UNC13C: variants seen among roughly 807,000 people sequenced by gnomAD.
UNC13C encodes unc-13 homolog C.
In UNC13C, 174 loss-of-function variants were observed where a neutral mutation model predicts 245.4. That is an observed-to-expected ratio of 0.71 (90% CI 0.63 to 0.80). The LOEUF (loss-of-function observed/expected upper bound fraction) is 0.80, where lower values mean the gene tolerates loss of function less well. UNC13C is among the 30% of genes least tolerant of loss of function. UNC13C has a pLI of 0.00. For missense variants in UNC13C, 2,829 were observed against 2,602.9 expected (o/e 1.09, Z -1.89); for synonymous variants, 992 against 895.1 (o/e 1.11, Z -1.93).
intron 14 of UNC13C, among the ~76,000 whole-genome samples, chr15:54,330,533 G>T (rs1004991900): frequency 1.7e-4 from 26 of 152,042 alleles, no homozygotes; most frequent in African/African-American, 5.8e-4. Context: ...CACTTCAACT[G>T]TCTTGATGGT....
At chr15:54,451,238 C>T (rs1014765926) in intron 19 of UNC13C, among the ~76,000 whole-genome samples, 1 of 152,040 alleles carries the variant, frequency 6.6e-6, no homozygotes, top group Non-Finnish European at 1.5e-5. Flanking sequence ...CAGGGAAAAA[C>T]TTTATTTTGC....
At chr15:54,127,148 G>A (rs866481877) in intron 2 of UNC13C, among the ~76,000 whole-genome samples, 3 of 152,144 alleles carry the variant, frequency 2.0e-5, no homozygotes, top group African/African-American at 7.2e-5. Flanking sequence ...ACAGTGCGGC[G>A]ATTCCTCAGT....
chr15:54,352,344 AT>A (rs2039002633), intron 17 of UNC13C, among the ~76,000 whole-genome samples: 1 of 137,078 alleles, frequency 7.3e-6, no homozygotes, highest in African/African-American at 2.9e-5. Context: ...ATAAATGTAT[AT>A]ATATATATAG....
At position 54,597,485 on chromosome 15, in the gene UNC13C, T is replaced by G. The variant is rs145012366; in HGVS notation, c.6107-24842T>G. On this transcript the variant is annotated intron_variant, in intron 30 of 32. Coordinates refer to ENST00000260323, the MANE Select transcript of UNC13C (RefSeq NM_001080534.3). ...TAGCCCAGGGTCTGTGGTCCTCTGC[T>G]TATGAACTCCAGATACGTCTGGGGT... 4.9e-3 allele frequency among the ~76,000 whole-genome samples: 746 copies of G among 152,226 alleles called. 10 individuals carry two copies. The highest frequency in any genetic ancestry group is 0.017 in the African/African-American group (726 of 41,530).
chr15:54,286,199 T>C lies in UNC13C; in HGVS notation c.3819-7696T>C, dbSNP rs187401054. ...CCTGGTCCATTATTTATTTTATCAG[T>C]ATATCTTTTAATAAAAGCTGGTACA... On this transcript the variant is annotated intron_variant, in intron 10 of 32. Coordinates refer to ENST00000260323, the MANE Select transcript of UNC13C (RefSeq NM_001080534.3). 3.6e-3 allele frequency among the ~76,000 whole-genome samples: 548 copies of C among 152,312 alleles called. 3 individuals are homozygous for C. Among genetic ancestry groups the C allele is most frequent in the African/African-American group, 0.013 (523 of 41,574 alleles).
At chr15:54,532,838 A>G in intron 25 of UNC13C, 79 bp from the exon 26 acceptor site, 1 of 997,998 alleles carries the variant, frequency 1.0e-6, no homozygotes, top group Admixed American at 2.7e-5. Context: ...GAAACAGATC[A>G]AAATCCTCAG....
chr15:54,016,005 G>A, intron 2 of UNC13C, 119 bp downstream of exon 2: 1 of 885,486 alleles, frequency 1.1e-6, no homozygotes, highest in East Asian at 2.7e-5. Flanking sequence ...GACTTTCCAT[G>A]CTTTACTCTG....
intron 4 of UNC13C, among the ~76,000 whole-genome samples, chr15:54,184,031 A>G (rs1044683167): frequency 6.6e-6 from 1 of 152,080 alleles, no homozygotes; most frequent in African/African-American, 2.4e-5. Flanking sequence ...CTTGAAATGG[A>G]TGATTTAATT....
intron 4 of UNC13C, among the ~76,000 whole-genome samples, chr15:54,160,730 T>G (rs908331339): frequency 6.6e-6 from 1 of 152,190 alleles, no homozygotes. Flanking sequence ...CTATCAGTAT[T>G]AAATGAATTG....
At chr15:54,150,561 T>G (rs1298506838) in intron 4 of UNC13C, among the ~76,000 whole-genome samples, 1 of 152,176 alleles carries the variant, frequency 6.6e-6, no homozygotes, top group East Asian at 1.9e-4. Context: ...AATCAAGAAG[T>G]GGTTGCTGAG....
At chr15:53,923,134 A>G in the UNC13C span, among the ~76,000 whole-genome samples, 1 of 152,338 alleles carries the variant, frequency 6.6e-6, no homozygotes, top group African/African-American at 2.4e-5. Flanking sequence ...TTGCTGAACT[A>G]CTGCTTAATC....
At chr15:54,042,388 A>G (rs67155932) in intron 2 of UNC13C, among the ~76,000 whole-genome samples, 16,558 of 152,220 alleles carry the variant, frequency 0.11, 1,122 homozygotes, top group Middle Eastern at 0.18. Context: ...GTTTAGGCAA[A>G]TGGGTAAATA....
chr15:54,625,274 A>G (rs969846423), intron 32 of UNC13C, among the ~76,000 whole-genome samples: 1 of 25,578 alleles, frequency 3.9e-5, no homozygotes, highest in African/African-American at 1.6e-4. Context: ...GGAAGCAAGA[A>G]GAAACCCTAC....
At chr15:53,987,706 TG>T (rs373195756) in intron 1 of UNC13C, among the ~76,000 whole-genome samples, 1,541 of 152,134 alleles carry the variant, frequency 0.01, 29 homozygotes, top group African/African-American at 0.036. Context: ...TAGCCAAGCT[TG>T]GGTTTGAAAC....
At chr15:54,367,359 G>A (rs2039387808) in intron 17 of UNC13C, among the ~76,000 whole-genome samples, 2 of 152,248 alleles carry the variant, frequency 1.3e-5, no homozygotes, top group Middle Eastern at 6.8e-3. Flanking sequence ...CATCTTTTCT[G>A]TAACAAATTC....
the UNC13C span, among the ~76,000 whole-genome samples, chr15:53,907,366 G>C: frequency 6.6e-6 from 1 of 152,082 alleles, no homozygotes; most frequent in Non-Finnish European, 1.5e-5. Flanking sequence ...AAAAAGAAAG[G>C]ATATATTTAA....
At chr15:53,842,273 A>G in the UNC13C span, among the ~76,000 whole-genome samples, 1 of 152,158 alleles carries the variant, frequency 6.6e-6, no homozygotes, top group Non-Finnish European at 1.5e-5. Context: ...CTCATTCATA[A>G]AGTATAAATA....
At chr15:54,279,952 A>C (rs912055058) in intron 10 of UNC13C, among the ~76,000 whole-genome samples, 1 of 151,854 alleles carries the variant, frequency 6.6e-6, no homozygotes, top group Non-Finnish European at 1.5e-5. Flanking sequence ...AATATTAAAC[A>C]GTAAAAATTC....
At chr15:54,424,715 TA>T (rs973107897) in intron 19 of UNC13C, among the ~76,000 whole-genome samples, 2 of 151,538 alleles carry the variant, frequency 1.3e-5, no homozygotes, top group African/African-American at 4.8e-5. Flanking sequence ...ACAATAGAAT[TA>T]GGGGCAAGAA....
Sources: allele counts gnomAD v4.1 joint callset (sites outside exome capture counted in the v4.1 genomes callset), GRCh38; gene constraint gnomAD v4.1.1; transcripts MANE v1.5; gene names NCBI Gene and HGNC (gene_info 2026-07-23, HGNC 2026-07-21).